The following PBX3 variants were observed in gnomAD, a reference collection of about 807,000 sequenced individuals.
The protein encoded by PBX3 is PBX homeobox 3, also known as pre-B-cell leukemia transcription factor 3.
Under a neutral mutation model 48.5 loss-of-function variants are expected in PBX3, and 14 were observed. The ratio of observed to expected loss-of-function variants is 0.29; its 90% CI spans 0.19 to 0.45. The LOEUF is 0.45. PBX3 is among the 20% of genes least tolerant of loss of function. PBX3 has a pLI of 1.00. For missense variants in PBX3, 386 were observed against 546.7 expected (o/e 0.71, Z 2.93); for synonymous variants, 210 against 200.3 (o/e 1.05, Z -0.41).
chr9:125,891,018 T>A (rs931968387), intron 2 of PBX3, among the ~76,000 whole-genome samples: 3 of 152,234 alleles, frequency 2.0e-5, no homozygotes, highest in Admixed American at 1.3e-4. Context: ...CCAACCATGA[T>A]AACATTTAGC....
chr9:125,959,546 A>G (rs977762334), intron 5 of PBX3, among the ~76,000 whole-genome samples: 1 of 152,224 alleles, frequency 6.6e-6, no homozygotes, highest in Non-Finnish European at 1.5e-5. Flanking sequence ...TTCTATTTCC[A>G]AACCAATTAA....
In PBX3 at chr9:125,796,551, C is replaced by T. The variant is rs566828932; in HGVS notation, c.274+47928C>T. Among the ~76,000 whole-genome samples the T allele has an allele frequency of 2.2e-3, 331 of 152,038 alleles. 1 individual carries two copies. The highest frequency in any genetic ancestry group is 7.6e-3 in the African/African-American group (315 of 41,472). On this transcript the variant is annotated intron_variant, in intron 2 of 8. Coordinates refer to ENST00000373489, the MANE Select transcript of PBX3 (RefSeq NM_006195.6). The stretch of plus-strand genomic sequence containing the variant: ...AGACTTGTGAGTGGGTAGCCTATGG[C>T]GAGGAAAAGAGATATATTGTCTGCA...
intron 5 of PBX3, 57 bp downstream of exon 5, chr9:125,935,664 T>G: frequency 6.8e-7 from 1 of 1,476,406 alleles, no homozygotes. Flanking sequence ...ACCTCATTCC[T>G]TCCTCAGGGC....
At chr9:125,870,361 G>A (rs7867113) in intron 2 of PBX3, among the ~76,000 whole-genome samples, 10,651 of 152,024 alleles carry the variant, frequency 0.07, 1,169 homozygotes, top group African/African-American at 0.24. Flanking sequence ...GAGCCACCAC[G>A]CCCAGCTGAA....
rs1437101329 is a variant in PBX3 at position 125,793,365 on chromosome 9, AAATATATATATATAT to A, written c.274+44744_274+44758del. ...AGACTCCATTTGGGGGGGAAAAAAA[AAATATATATATATAT>A]ATATATATATATTTACTATTAAGTG... is the stretch of plus-strand genomic sequence containing the variant. On this transcript the variant is annotated intron_variant, in intron 2 of 8. Transcript: ENST00000373489. Among the ~76,000 whole-genome samples the A allele has an allele frequency of 2.0e-3, 189 of 95,574 alleles. 4 individuals carry two copies. The highest frequency in any genetic ancestry group is 3.2e-3 in the Non-Finnish European group (148 of 46,276). The allele number at this position is 95,574 out of a possible 152,430, so 62.7% of individuals were successfully genotyped here. A position where few individuals can be genotyped will look rare whatever the true frequency, so the allele number is the denominator to read the frequency against.
chr9:125,755,039 A>G (rs1399569396), intron 2 of PBX3, among the ~76,000 whole-genome samples: 1 of 152,078 alleles, frequency 6.6e-6, no homozygotes, highest in Non-Finnish European at 1.5e-5. Flanking sequence ...AGTCCTCACA[A>G]TGTTTAAACC....
chr9:125,872,651 T>C (rs1840153182), intron 2 of PBX3, among the ~76,000 whole-genome samples: 2 of 151,888 alleles, frequency 1.3e-5, no homozygotes, highest in Non-Finnish European at 2.9e-5. Context: ...TCCTAGCTAC[T>C]CTGGAGGCTG....
At chr9:125,963,703 G>A (rs992487777) in intron 8 of PBX3, among the ~76,000 whole-genome samples, 1 of 152,102 alleles carries the variant, frequency 6.6e-6, no homozygotes, top group Admixed American at 6.5e-5. Context: ...AGGGGAGCAG[G>A]TCATCGTGGT....
At chr9:125,926,693 G>A (rs911127725) in intron 3 of PBX3, among the ~76,000 whole-genome samples, 5 of 152,204 alleles carry the variant, frequency 3.3e-5, no homozygotes, top group African/African-American at 4.8e-5. Context: ...GGTGGCACAC[G>A]CCTGTAATCC....
chr9:125,907,062 A>C (rs1841090762), intron 2 of PBX3, among the ~76,000 whole-genome samples: 1 of 152,040 alleles, frequency 6.6e-6, no homozygotes, highest in African/African-American at 2.4e-5. Context: ...ATAATGAGCA[A>C]CTATCATGAG....
intron 2 of PBX3, among the ~76,000 whole-genome samples, chr9:125,833,950 A>G (rs1839042909): frequency 6.6e-6 from 1 of 152,160 alleles, no homozygotes; most frequent in Non-Finnish European, 1.5e-5. Context: ...ACCATTTTGT[A>G]TTTCTACCTG....
At chr9:125,771,691 T>C (rs1466860558) in intron 2 of PBX3, among the ~76,000 whole-genome samples, 1 of 152,074 alleles carries the variant, frequency 6.6e-6, no homozygotes, top group Non-Finnish European at 1.5e-5. Flanking sequence ...TCTGAAAATA[T>C]CTAGTATAAT....
chr9:125,926,571 C>T (rs769087795), intron 3 of PBX3, among the ~76,000 whole-genome samples: 1 of 152,036 alleles, frequency 6.6e-6, no homozygotes, highest in Non-Finnish European at 1.5e-5. Context: ...AATCCCAGCA[C>T]TTTGGGAGGC....
intron 5 of PBX3, among the ~76,000 whole-genome samples, chr9:125,957,378 G>A (rs1002804978): frequency 6.6e-6 from 1 of 152,198 alleles, no homozygotes; most frequent in Non-Finnish European, 1.5e-5. Context: ...AGATTAAGAA[G>A]TATTGGGACT....
At chr9:125,897,304 G>A (rs1840798049) in intron 2 of PBX3, among the ~76,000 whole-genome samples, 1 of 151,748 alleles carries the variant, frequency 6.6e-6, no homozygotes, top group Admixed American at 6.6e-5. Flanking sequence ...ATTTGTGGAA[G>A]ACTAATTCAT....
At chr9:125,866,997 G>A (rs553810738) in intron 2 of PBX3, among the ~76,000 whole-genome samples, 2 of 152,124 alleles carry the variant, frequency 1.3e-5, no homozygotes, top group Non-Finnish European at 2.9e-5. Context: ...CTACATATGT[G>A]TAATTACAAA....
chr9:125,888,575 C>T (rs1394295870), intron 2 of PBX3, among the ~76,000 whole-genome samples: 1 of 148,740 alleles, frequency 6.7e-6, no homozygotes, highest in Non-Finnish European at 1.5e-5. Context: ...TTTTTTTGGC[C>T]GTTTGTTTTC....
intron 2 of PBX3, among the ~76,000 whole-genome samples, chr9:125,880,773 G>A (rs1384042390): frequency 6.6e-6 from 1 of 152,122 alleles, no homozygotes; most frequent in Non-Finnish European, 1.5e-5. Context: ...TAATGAAAAT[G>A]TCATTTTTCT....
intron 2 of PBX3, among the ~76,000 whole-genome samples, chr9:125,835,699 A>G (rs75006987): frequency 0.035 from 5,406 of 152,300 alleles, 330 homozygotes; most frequent in African/African-American, 0.12. Context: ...CTTTTATCAA[A>G]AAGACAAAAC....
Sources: allele counts gnomAD v4.1 joint callset (sites outside exome capture counted in the v4.1 genomes callset), GRCh38; gene constraint gnomAD v4.1.1; transcripts MANE v1.5; gene names NCBI Gene and HGNC (gene_info 2026-07-23, HGNC 2026-07-21).